Variants in DRC11 observed in about 807,000 individuals in gnomAD.
DRC11 encodes the protein IQ and AAA domain-containing protein 1.
the DRC11 span, among the ~76,000 whole-genome samples, chr2:236,328,588 T>C: frequency 1.3e-5 from 2 of 150,008 alleles, no homozygotes; most frequent in African/African-American, 4.8e-5. This position sits in a 1 kb window ranked among gnomAD's most constrained non-coding sequence, Gnocchi z 6.7. Context: ...AGGCCACCCA[T>C]GTATTAGCTC....
At chr2:236,464,082 G>A in the DRC11 span, among the ~76,000 whole-genome samples, 2 of 152,190 alleles carry the variant, frequency 1.3e-5, no homozygotes. Flanking sequence ...AAGGGAGAAG[G>A]CAAATGAGAG....
chr2:236,355,913 A>G, the DRC11 span, among the ~76,000 whole-genome samples: 1 of 152,110 alleles, frequency 6.6e-6, no homozygotes, highest in African/African-American at 2.4e-5. Context: ...CTAGCTGTCT[A>G]CACCACCACA....
chr2:236,338,205 C>T, the DRC11 span: 6 of 1,612,978 alleles, frequency 3.7e-6, no homozygotes, highest in South Asian at 2.2e-5. Flanking sequence ...GGGTACTTGC[C>T]GTATCTGGAA....
chr2:236,327,523 G>T, the DRC11 span, among the ~76,000 whole-genome samples: 1 of 151,720 alleles, frequency 6.6e-6, no homozygotes, highest in African/African-American at 2.4e-5. Flanking sequence ...GGGCTTACAG[G>T]CATGAGCCAC....
the DRC11 span, chr2:236,507,192 A>C: frequency 6.4e-7 from 1 of 1,552,734 alleles, no homozygotes; most frequent in African/African-American, 1.4e-5. Flanking sequence ...GAGAAGCAGA[A>C]AGCAAGCCAC....
the DRC11 span, chr2:236,493,852 C>CA: frequency 1.2e-6 from 2 of 1,606,110 alleles, no homozygotes; most frequent in Non-Finnish European, 1.7e-6. Flanking sequence ...ACTTCTCCTT[C>CA]AAAAAATACT....
chr2:236,436,024 C>A, the DRC11 span, among the ~76,000 whole-genome samples: 2 of 152,254 alleles, frequency 1.3e-5, no homozygotes, highest in African/African-American at 2.4e-5. Context: ...TATCCAGTAG[C>A]AATGTATGAG....
the DRC11 span, among the ~76,000 whole-genome samples, chr2:236,317,670 T>G: frequency 6.6e-6 from 1 of 152,214 alleles, no homozygotes; most frequent in Admixed American, 6.5e-5. This position sits in a 1 kb window ranked among gnomAD's most constrained non-coding sequence, Gnocchi z 5.4. Flanking sequence ...AACAAAAGCA[T>G]ACATGTTTAC....
the DRC11 span, among the ~76,000 whole-genome samples, chr2:236,502,191 C>T: frequency 0.012 from 1,857 of 152,210 alleles, 45 homozygotes; most frequent in African/African-American, 0.042. Context: ...CAAGGGGATA[C>T]GTAAGTAATT....
chr2:236,317,560 G>A, the DRC11 span, among the ~76,000 whole-genome samples: 1 of 152,166 alleles, frequency 6.6e-6, no homozygotes, highest in African/African-American at 2.4e-5. This position sits in a 1 kb window ranked among gnomAD's most constrained non-coding sequence, Gnocchi z 5.4. Context: ...CTTTGCAAAT[G>A]GAGAGGGCAG....
chr2:236,307,980 A>G, the DRC11 span, among the ~76,000 whole-genome samples: 1,982 of 128,280 alleles, frequency 0.015, 97 homozygotes, highest in African/African-American at 0.073. The surrounding 1 kb of genome is among the most constrained non-coding windows in gnomAD (Gnocchi z 7.0). Context: ...CAGTGACACA[A>G]GCGTCCTCGT....
chr2:236,383,232 T>C, the DRC11 span, among the ~76,000 whole-genome samples: 3 of 152,190 alleles, frequency 2.0e-5, no homozygotes, highest in African/African-American at 7.2e-5. Context: ...TCCAACTTAT[T>C]AGCATATAAT....
chr2:236,344,469 G>T, the DRC11 span: 1 of 843,448 alleles, frequency 1.2e-6, no homozygotes, highest in Non-Finnish European at 1.9e-6. Flanking sequence ...GAAAAGGCAA[G>T]ACCTTCTCAA....
At chr2:236,405,417 C>T in the DRC11 span, among the ~76,000 whole-genome samples, 1 of 151,664 alleles carries the variant, frequency 6.6e-6, no homozygotes, top group East Asian at 2.0e-4. This position sits in a 1 kb window ranked among gnomAD's most constrained non-coding sequence, Gnocchi z 4.6. Context: ...GCAAACTGAG[C>T]CATTTCCATG....
the DRC11 span, among the ~76,000 whole-genome samples, chr2:236,377,631 T>A: frequency 1.3e-5 from 2 of 152,226 alleles, no homozygotes; most frequent in South Asian, 4.1e-4. The surrounding 1 kb of genome is among the most constrained non-coding windows in gnomAD (Gnocchi z 4.9). Context: ...CACAATTGTT[T>A]GAAAGAAACA....
the DRC11 span, among the ~76,000 whole-genome samples, chr2:236,308,128 G>A: frequency 6.6e-5 from 10 of 152,266 alleles, no homozygotes; most frequent in African/African-American, 2.2e-4. The surrounding 1 kb of genome is among the most constrained non-coding windows in gnomAD (Gnocchi z 6.0). Flanking sequence ...ACTGAAAAGT[G>A]ACCTGGGAGA....
At chr2:236,364,803 T>C in the DRC11 span, among the ~76,000 whole-genome samples, 1 of 152,234 alleles carries the variant, frequency 6.6e-6, no homozygotes, top group Non-Finnish European at 1.5e-5. Flanking sequence ...CTCTTTTTGA[T>C]ACTCTGTAAA....
At chr2:236,396,299 G>GGGT in the DRC11 span, among the ~76,000 whole-genome samples, 15 of 81,976 alleles carry the variant, frequency 1.8e-4, no homozygotes, top group African/African-American at 4.6e-4. Flanking sequence ...AATGAAAGAG[G>GGGT]GGCGGGGGGG....
At chr2:236,341,481 AGAGGTGTGAG>A in the DRC11 span, among the ~76,000 whole-genome samples, 9 of 152,170 alleles carry the variant, frequency 5.9e-5, no homozygotes, top group Non-Finnish European at 1.2e-4. Flanking sequence ...CTGAAATTCT[AGAGGTGTGAG>A]GGGTTCTTTC....
Sources: gnomAD v4.1 joint callset for allele counts (sites outside exome capture counted in the v4.1 genomes callset) on GRCh38, gnomAD v4.1.1 for gene constraint, Gnocchi (gnomAD v3.1) non-coding constraint, MANE v1.5 for transcripts, NCBI Gene and HGNC (gene_info 2026-07-23, HGNC 2026-07-21) for gene names.